CYB5R4: variants seen among roughly 807,000 people sequenced by gnomAD.
CYB5R4 encodes the protein N-terminal cytochrome b5 and cytochrome b5 oxidoreductase domain-containing protein.
In CYB5R4, 55 loss-of-function variants were observed where a neutral mutation model predicts 70.2. The observed-to-expected ratio is 0.78, with a 90% CI of 0.63 to 0.98. CYB5R4 has a LOEUF of 0.98. Ranked by LOEUF, CYB5R4 falls within the 50% of genes least tolerant of loss-of-function variation. The pLI is 0.00. For missense variants in CYB5R4, 562 were observed against 612.6 expected (o/e 0.92, Z 0.87); for synonymous variants, 197 against 199.5 (o/e 0.99, Z 0.11).
At chr6:83,955,242 T>C in intron 14 of CYB5R4, 56 bp from the exon 15 acceptor site, 1 of 1,360,464 alleles carries the variant, frequency 7.4e-7, no homozygotes, top group Non-Finnish European at 1.0e-6. Context: ...ACTTGAAACA[T>C]GTTAATAATA....
intron 1 of CYB5R4, among the ~76,000 whole-genome samples, chr6:83,863,968 T>C (rs1392616811): frequency 2.0e-5 from 3 of 152,216 alleles, no homozygotes; most frequent in African/African-American, 7.2e-5. Context: ...GATAGACTAC[T>C]GTACTGTGAC....
intron 9 of CYB5R4, among the ~76,000 whole-genome samples, chr6:83,922,706 T>A (rs1399476908): frequency 2.0e-5 from 3 of 152,158 alleles, no homozygotes; most frequent in Non-Finnish European, 4.4e-5. Flanking sequence ...TGGGGGTTTG[T>A]TGTACAGATA....
In CYB5R4 at chr6:83,961,995, C is replaced by T. The variant is rs949589149; in HGVS notation, c.*2117C>T. 1 of 151,890 alleles carries T rather than the reference C, an allele frequency of 6.6e-6. No individual in the cohort carries two copies. The highest frequency in any genetic ancestry group is 1.5e-5 in the Non-Finnish European group (1 of 67,986). The allele number at this position is 151,890 out of a possible 1,614,324, so 9.4% of individuals were successfully genotyped here. ...ATAAGTGTCTCCTGGGTAATCTCCA[C>T]TGACATGATTTTATCAACTTACATG... On this transcript the variant is annotated 3_prime_UTR_variant, in exon 16 of 16. Transcript: ENST00000369681.
intron 14 of CYB5R4, among the ~76,000 whole-genome samples, chr6:83,953,163 G>C (rs184757835): frequency 6.6e-6 from 1 of 152,208 alleles, no homozygotes; most frequent in African/African-American, 2.4e-5. Context: ...ATGCCTTCCT[G>C]AAGATTTACT....
chr6:83,946,906 A>G (rs1043823140), intron 14 of CYB5R4, among the ~76,000 whole-genome samples: 9 of 152,202 alleles, frequency 5.9e-5, no homozygotes, highest in South Asian at 2.1e-4. Flanking sequence ...ACTCCAGGAA[A>G]TAGGACACAA....
chr6:83,948,202 A>G (rs2099470943), intron 14 of CYB5R4, among the ~76,000 whole-genome samples: 1 of 152,234 alleles, frequency 6.6e-6, no homozygotes, highest in Non-Finnish European at 1.5e-5. Context: ...AAAAAGGATG[A>G]GTTCATGTCC....
intron 2 of CYB5R4, among the ~76,000 whole-genome samples, chr6:83,891,079 G>A (rs1305841642): frequency 1.3e-5 from 2 of 151,914 alleles, no homozygotes; most frequent in African/African-American, 4.8e-5. Context: ...AGTAGCAGGG[G>A]GACTACAGGC....
chr6:83,929,506 A>G (rs957207219), intron 10 of CYB5R4: 5 of 152,190 alleles, frequency 3.3e-5, no homozygotes, highest in Non-Finnish European at 1.5e-5. Context: ...ATCCAAATGT[A>G]GTAGGTCAGT....
rs5877868 is a variant in CYB5R4 at position 83,940,495 on chromosome 6, GT to G, written c.1260-9del. The G allele has an allele frequency of 4.1e-3, 4,964 of 1,204,896 alleles. No homozygotes were observed. Among genetic ancestry groups the G allele is most frequent in the South Asian group, 7.4e-3 (471 of 63,544 alleles). The allele number at this position is 1,204,896 out of a possible 1,614,324, so 74.6% of individuals were successfully genotyped here. On this transcript the variant is annotated intron_variant, in intron 13 of 15. Transcript: ENST00000369681. ...AATGTAATTAATTAGTTATTTCTGA[GT>G]TTTTTTTTTTCTCTTAAGGAAAGTG...
chr6:83,911,216 G>T (rs2099464629), intron 4 of CYB5R4, among the ~76,000 whole-genome samples: 1 of 151,852 alleles, frequency 6.6e-6, no homozygotes, highest in African/African-American at 2.4e-5. Flanking sequence ...ACTAGCTTGG[G>T]CAATATAGTG....
At chr6:83,955,906 A>G (rs965875000) in intron 15 of CYB5R4, among the ~76,000 whole-genome samples, 1 of 152,234 alleles carries the variant, frequency 6.6e-6, no homozygotes, top group African/African-American at 2.4e-5. Context: ...CAAGACAAAA[A>G]GGGAAGACTA....
intron 2 of CYB5R4, among the ~76,000 whole-genome samples, chr6:83,888,677 A>T (rs1345208013): frequency 6.6e-6 from 1 of 152,154 alleles, no homozygotes; most frequent in African/African-American, 2.4e-5. Flanking sequence ...AGATTAGGAC[A>T]ATTAATATCC....
At chr6:83,939,127 C>T (rs779047230) in intron 12 of CYB5R4, among the ~76,000 whole-genome samples, 24 of 152,102 alleles carry the variant, frequency 1.6e-4, no homozygotes, top group Non-Finnish European at 2.2e-4. Context: ...TGAGCCACCA[C>T]GCCCAGCCCT....
Position 83,936,338 on chromosome 6 carries a change from C to T in CYB5R4, c.1070C>T (p.Thr357Ile). The change falls in exon 12 of 16, where the codon ACT becomes ATT. Residue 357 changes from threonine to isoleucine, a missense_variant. Thr to Ile is a moderately conservative substitution (Grantham distance 89, BLOSUM62 -1). Transcript: ENST00000369681. ...YIYFLIKIYP[T>I]GLFTPELDRL... Reference sequence around the variant, plus strand: ...TACTTTTTGATAAAAATCTATCCCACTGGACTCTTCACACCAGAGCTTGAT... The same window carrying T: ...TACTTTTTGATAAAAATCTATCCCATTGGACTCTTCACACCAGAGCTTGAT... The T allele has an allele frequency of 6.2e-7, 1 of 1,612,476 alleles. No homozygotes were observed. Among genetic ancestry groups the T allele is most frequent in the Middle Eastern group, 1.7e-4 (1 of 6,052 alleles).
rs1177369621 is a variant in CYB5R4 at position 83,866,214 on chromosome 6, G to A, written c.229+1886G>A. On this transcript the variant is annotated intron_variant, in intron 2 of 15. Coordinates refer to ENST00000369681, the MANE Select transcript of CYB5R4 (RefSeq NM_016230.4). Reference sequence around the variant, plus strand: ...TATCCTAGTGATATTAGATAATTGAGGCATTATTAGAATACAGTTAGACTT... The same window carrying A: ...TATCCTAGTGATATTAGATAATTGAAGCATTATTAGAATACAGTTAGACTT... 3.3e-5 allele frequency among the ~76,000 whole-genome samples: 5 copies of A among 152,262 alleles called. No homozygotes were observed. The East Asian group carries it at 5.8e-4, about 18-fold the overall frequency.
chr6:83,954,801 C>T (rs2099472076), intron 14 of CYB5R4, among the ~76,000 whole-genome samples: 1 of 151,958 alleles, frequency 6.6e-6, no homozygotes, highest in African/African-American at 2.4e-5. Context: ...GCAATCATAT[C>T]TCACTGGATC....
At chr6:83,884,347 A>G (rs1208319222) in intron 2 of CYB5R4, among the ~76,000 whole-genome samples, 1 of 152,100 alleles carries the variant, frequency 6.6e-6, no homozygotes, top group African/African-American at 2.4e-5. Context: ...GGGAAAAAGT[A>G]TGCTATCCAG....
intron 10 of CYB5R4, chr6:83,926,362 T>A (rs1047063291): frequency 3.3e-5 from 5 of 152,002 alleles, no homozygotes; most frequent in Non-Finnish European, 7.4e-5. Context: ...TCTTTCTTTT[T>A]TTTTTTTTCT....
chr6:83,933,327 A>G (rs1718097111), intron 10 of CYB5R4, among the ~76,000 whole-genome samples: 1 of 152,234 alleles, frequency 6.6e-6, no homozygotes, highest in African/African-American at 2.4e-5. Context: ...CTACCATGAT[A>G]GGTGGAAAAT....
Sources: gnomAD v4.1 joint callset for allele counts (sites outside exome capture counted in the v4.1 genomes callset) on GRCh38, gnomAD v4.1.1 for gene constraint, MANE v1.5 for transcripts, NCBI Gene and HGNC (gene_info 2026-07-23, HGNC 2026-07-21) for gene names.